Variants in AQP9 observed in about 807,000 individuals in gnomAD.
The protein encoded by AQP9 is aquaporin-9.
Under a neutral mutation model 23.8 loss-of-function variants are expected in AQP9, and 19 were observed. The ratio of observed to expected loss-of-function variants is 0.80; its 90% CI spans 0.56 to 1.17. The LOEUF is 1.17. Among genes scored for constraint, AQP9 ranks in the 50% most tolerant of loss-of-function variants. The pLI is 0.00. For synonymous variants in AQP9, 153 were observed against 131.5 expected (o/e 1.16, Z -1.12); for missense variants, 413 against 362.0 (o/e 1.14, Z -1.14).
Position 58,161,886 on chromosome 15 carries a change from T to C in AQP9, c.112-4787T>C, listed in dbSNP as rs371152519. On this transcript the variant is annotated intron_variant, in intron 1 of 5. Coordinates refer to ENST00000219919, the MANE Select transcript of AQP9 (RefSeq NM_020980.5). The stretch of plus-strand genomic sequence containing the variant: ...CAAGCTGAGAATGAGAAATAATATG[T>C]TCATTTACATTGCCAACAAGTGTCA... 1.4e-4 allele frequency among the ~76,000 whole-genome samples: 21 copies of C among 152,314 alleles called. No homozygotes were observed. The East Asian group carries it at 2.3e-3, about 17-fold the overall frequency.
At chr15:58,156,467 G>A (rs958909650) in intron 1 of AQP9, among the ~76,000 whole-genome samples, 28 of 152,062 alleles carry the variant, frequency 1.8e-4, no homozygotes, top group Non-Finnish European at 1.6e-4. Flanking sequence ...AAGCCAACAC[G>A]AATATCAACC....
At chr15:58,181,823 T>A (rs777979296) in intron 5 of AQP9, among the ~76,000 whole-genome samples, 1 of 152,234 alleles carries the variant, frequency 6.6e-6, no homozygotes, top group South Asian at 2.1e-4. Context: ...TAGAAACCCA[T>A]TAGGAAAGAG....
intron 2 of AQP9, 110 bp downstream of exon 2, chr15:58,166,909 A>G (rs1244423895): frequency 7.2e-7 from 1 of 1,385,448 alleles, no homozygotes; most frequent in African/African-American, 1.5e-5. Flanking sequence ...AAAATCCTGC[A>G]AGAGTGTGTA....
At chr15:58,171,088 C>G (rs1428654365) in intron 2 of AQP9, among the ~76,000 whole-genome samples, 4 of 143,078 alleles carry the variant, frequency 2.8e-5, no homozygotes, top group South Asian at 2.2e-4. Context: ...CCACGCCCAA[C>G]TAATTTTTTT....
intron 1 of AQP9, among the ~76,000 whole-genome samples, chr15:58,159,575 G>T (rs1898331471): frequency 6.6e-6 from 1 of 152,026 alleles, no homozygotes; most frequent in South Asian, 2.1e-4. Context: ...GTTAACTATA[G>T]TCATGTTACT....
At chr15:58,155,113 G>T (rs1347401707) in intron 1 of AQP9, 1 of 152,084 alleles carries the variant, frequency 6.6e-6, no homozygotes, top group African/African-American at 2.4e-5. Context: ...ATTATTTCTG[G>T]CCATACACTA....
chr15:58,185,349 G>C lies in AQP9; in HGVS notation c.*1214G>C, dbSNP rs571126194. ...TTCCTTGCTAGCCAGAAGTGGAATT[G>C]GCAGCTTCTAGAATATGTACACCTC... On this transcript the variant is annotated 3_prime_UTR_variant, in exon 6 of 6. Transcript: ENST00000219919. 1 of 152,716 alleles carries C rather than the reference G, an allele frequency of 6.5e-6. No homozygotes were observed. The highest frequency in any genetic ancestry group is 1.5e-5 in the Non-Finnish European group (1 of 68,042). The allele number at this position is 152,716 out of a possible 1,614,324, so 9.5% of individuals were successfully genotyped here. A position where few individuals can be genotyped will look rare whatever the true frequency, so the allele number is the denominator to read the frequency against.
At chr15:58,172,254 T>C (rs1309816111) in intron 2 of AQP9, among the ~76,000 whole-genome samples, 1 of 152,214 alleles carries the variant, frequency 6.6e-6, no homozygotes. Context: ...ACTCATCTCA[T>C]TGGGTTCTTA....
intron 1 of AQP9, among the ~76,000 whole-genome samples, chr15:58,145,747 A>G (rs779208173): frequency 7.9e-5 from 12 of 152,334 alleles, no homozygotes; most frequent in Middle Eastern, 3.4e-3. Context: ...ATTACTGCAT[A>G]CACCCACTAC....
chr15:58,154,600 T>C (rs1329983458), intron 1 of AQP9, among the ~76,000 whole-genome samples: 2 of 152,072 alleles, frequency 1.3e-5, no homozygotes, highest in African/African-American at 4.8e-5. Flanking sequence ...TCATACTCAT[T>C]CACCAAATTA....
chr15:58,177,914 C>A (rs1898793590), intron 4 of AQP9, among the ~76,000 whole-genome samples: 1 of 152,146 alleles, frequency 6.6e-6, no homozygotes, highest in Non-Finnish European at 1.5e-5. Flanking sequence ...TAAGTAGAGT[C>A]AACCCTACAT....
In AQP9 at chr15:58,185,527, C is replaced by T. The variant is rs1205401351; in HGVS notation, c.*1392C>T. The T allele has an allele frequency of 6.6e-6, 1 of 152,388 alleles. No individual in the cohort carries two copies. Among genetic ancestry groups the T allele is most frequent in the African/African-American group, 2.4e-5 (1 of 41,454 alleles). The allele number at this position is 152,388 out of a possible 1,614,324, so 9.4% of individuals were successfully genotyped here. A position where few individuals can be genotyped will look rare whatever the true frequency, so the allele number is the denominator to read the frequency against. On this transcript the variant is annotated 3_prime_UTR_variant, in exon 6 of 6. Transcript: ENST00000219919. ...TTATGAGAAGGCCTCCCTTCCTAAG[C>T]CACCTCTGGTCTTGCTAAGTCTTGA...
chr15:58,168,782 ACCAGGGGACTGC>A (rs545877732), intron 2 of AQP9, among the ~76,000 whole-genome samples: 74 of 152,250 alleles, frequency 4.9e-4, no homozygotes, highest in African/African-American at 1.7e-3. Context: ...CACAAGAAAA[ACCAGGGGACTGC>A]CCTAAATATC....
chr15:58,144,460 G>A (rs1456049349), intron 1 of AQP9, among the ~76,000 whole-genome samples: 1 of 152,114 alleles, frequency 6.6e-6, no homozygotes, highest in East Asian at 1.9e-4. Flanking sequence ...AGACTATTCA[G>A]TGCCATTGAT....
intron 1 of AQP9, among the ~76,000 whole-genome samples, chr15:58,145,512 T>G (rs1263249408): frequency 6.6e-6 from 1 of 151,578 alleles, no homozygotes; most frequent in Non-Finnish European, 1.5e-5. Context: ...ATTACCCATA[T>G]ATATATATAT....
intron 1 of AQP9, chr15:58,163,804 T>G (rs1898439855): frequency 6.6e-6 from 1 of 152,004 alleles, no homozygotes; most frequent in Admixed American, 6.6e-5. Context: ...AAAAATACAC[T>G]GAACACACAG....
intron 4 of AQP9, among the ~76,000 whole-genome samples, chr15:58,176,932 T>C (rs962390561): frequency 2.9e-4 from 44 of 152,156 alleles, no homozygotes; most frequent in African/African-American, 1.0e-3. Flanking sequence ...ATTGTGTCCT[T>C]GTCTCAGAGT....
intron 5 of AQP9, among the ~76,000 whole-genome samples, chr15:58,180,322 T>C (rs1251571684): frequency 6.6e-6 from 1 of 152,196 alleles, no homozygotes; most frequent in African/African-American, 2.4e-5. Context: ...TCCCAAATGA[T>C]GACCTAGACA....
At chr15:58,139,335 G>C (rs28537468) in intron 1 of AQP9, among the ~76,000 whole-genome samples, 1,836 of 152,180 alleles carry the variant, frequency 0.012, 44 homozygotes, top group African/African-American at 0.042. Flanking sequence ...AACGAGGGAC[G>C]ACTTCTAAGA....
Sources: gnomAD v4.1 joint callset for allele counts (sites outside exome capture counted in the v4.1 genomes callset) on GRCh38, gnomAD v4.1.1 for gene constraint, MANE v1.5 for transcripts, NCBI Gene and HGNC (gene_info 2026-07-23, HGNC 2026-07-21) for gene names.